PTPRD: variants seen among roughly 807,000 people sequenced by gnomAD.
PTPRD encodes the protein protein tyrosine phosphatase receptor type D.
In PTPRD, 34 loss-of-function variants were observed where a neutral mutation model predicts 214.5. The ratio of observed to expected loss-of-function variants is 0.16; its 90% CI spans 0.12 to 0.21. The LOEUF is 0.21. Ranked by LOEUF, PTPRD falls within the 10% of genes least tolerant of loss-of-function variation. The pLI is 1.00. For missense variants in PTPRD, 2,545 were observed against 2,398.7 expected (o/e 1.06, Z -1.27); for synonymous variants, 1,128 against 845.7 (o/e 1.33, Z -5.79).
intron 3 of PTPRD, among the ~76,000 whole-genome samples, chr9:10,257,744 G>A (rs971410762): frequency 1.3e-5 from 2 of 152,114 alleles, no homozygotes; most frequent in Non-Finnish European, 2.9e-5. Context: ...ATAGACCAAC[G>A]TAGGCCAAGC....
intron 10 of PTPRD, among the ~76,000 whole-genome samples, chr9:9,165,300 A>T (rs538117266): frequency 6.6e-6 from 1 of 152,198 alleles, no homozygotes; most frequent in South Asian, 2.1e-4. Context: ...GAACCAAAAG[A>T]TGAATGTCAG....
At chr9:9,434,401 C>T (rs2084377177) in intron 8 of PTPRD, among the ~76,000 whole-genome samples, 1 of 152,088 alleles carries the variant, frequency 6.6e-6, no homozygotes, top group Non-Finnish European at 1.5e-5. Flanking sequence ...TGTGTTCATG[C>T]ATTGGAAGAA....
At chr9:10,538,551 C>T (rs1207930011) in intron 2 of PTPRD, among the ~76,000 whole-genome samples, 2 of 152,052 alleles carry the variant, frequency 1.3e-5, no homozygotes, top group Non-Finnish European at 2.9e-5. Flanking sequence ...GATTCCCATG[C>T]CAGTTTTCCT....
At chr9:9,840,924 G>C (rs928735532) in intron 5 of PTPRD, among the ~76,000 whole-genome samples, 1 of 151,960 alleles carries the variant, frequency 6.6e-6, no homozygotes, top group African/African-American at 2.4e-5. Flanking sequence ...CCTGGGATCT[G>C]TACTGTTCTT....
rs144083684 is a variant in PTPRD, at chr9:9,813,697, A to C, written c.-367-46846T>G. On this transcript the variant is annotated intron_variant, in intron 5 of 45. Transcript: ENST00000381196. ...ATGAATTCAACCAAATATTTAAGTG[A>C]TTAAAAGCAGTCCTTTTCAAACTTT... Among the ~76,000 whole-genome samples, 656 of 152,256 alleles carry C rather than the reference A, an allele frequency of 4.3e-3. 4 individuals carry two copies. The highest frequency in any genetic ancestry group is 0.014 in the African/African-American group (600 of 41,576).
At chr9:8,848,490 C>T (rs989120105) in intron 11 of PTPRD, among the ~76,000 whole-genome samples, 32 of 140,660 alleles carry the variant, frequency 2.3e-4, no homozygotes, top group East Asian at 8.5e-4. Flanking sequence ...TGCACACCAC[C>T]GTATCTGGCA....
intron 9 of PTPRD, among the ~76,000 whole-genome samples, chr9:9,336,028 C>G (rs115009533): frequency 0.028 from 4,253 of 151,602 alleles, 197 homozygotes; most frequent in African/African-American, 0.098. Flanking sequence ...TGCACAAACT[C>G]AAAAAAAGAT....
At chr9:9,596,547 TA>T (rs2093365881) in intron 7 of PTPRD, among the ~76,000 whole-genome samples, 1 of 152,002 alleles carries the variant, frequency 6.6e-6, no homozygotes, top group Non-Finnish European at 1.5e-5. Flanking sequence ...TTTGTGATTT[TA>T]GCAATGTTTT....
intron 10 of PTPRD, among the ~76,000 whole-genome samples, chr9:9,025,829 G>A (rs2154372922): frequency 6.6e-6 from 1 of 151,984 alleles, no homozygotes; most frequent in African/African-American, 2.4e-5. Context: ...TGCGTGATTA[G>A]AAAAAAATGT....
At chr9:9,370,740 C>T (rs990861342) in intron 9 of PTPRD, among the ~76,000 whole-genome samples, 9 of 152,168 alleles carry the variant, frequency 5.9e-5, no homozygotes, top group East Asian at 1.9e-4. Context: ...ATGATATTGG[C>T]GGTGGGTTTG....
At chr9:9,349,861 C>G (rs917488532) in intron 9 of PTPRD, among the ~76,000 whole-genome samples, 1 of 151,940 alleles carries the variant, frequency 6.6e-6, no homozygotes, top group Non-Finnish European at 1.5e-5. Flanking sequence ...TATCCAGAAC[C>G]CTAGTCCATT....
At chr9:8,994,356 A>T (rs1416434918) in intron 11 of PTPRD, among the ~76,000 whole-genome samples, 1 of 152,154 alleles carries the variant, frequency 6.6e-6, no homozygotes, top group Admixed American at 6.6e-5. Flanking sequence ...GTTTGTAGAT[A>T]GTTCCTTCAA....
intron 9 of PTPRD, among the ~76,000 whole-genome samples, chr9:9,318,408 T>A (rs1051240359): frequency 7.9e-5 from 12 of 152,200 alleles, no homozygotes; most frequent in African/African-American, 2.4e-4. Context: ...AAGAAGACTA[T>A]AAAATGAGAT....
At chr9:9,364,851 G>C (rs912159121) in intron 9 of PTPRD, among the ~76,000 whole-genome samples, 6 of 151,070 alleles carry the variant, frequency 4.0e-5, no homozygotes, top group African/African-American at 1.5e-4. Context: ...GCAGTGTTGA[G>C]TGTGGATGGA....
intron 2 of PTPRD, among the ~76,000 whole-genome samples, chr9:10,369,258 A>C (rs1328393203): frequency 1.3e-5 from 2 of 152,128 alleles, no homozygotes; most frequent in Non-Finnish European, 2.9e-5. Flanking sequence ...CAGTTTTAAC[A>C]GTTCAAGATG....
intron 11 of PTPRD, among the ~76,000 whole-genome samples, chr9:8,744,741 C>T (rs907156089): frequency 6.6e-6 from 1 of 152,150 alleles, no homozygotes; most frequent in East Asian, 1.9e-4. Context: ...CAGAAATCAC[C>T]GCTAGAGAAC....
chr9:9,513,569 C>A lies in PTPRD; in HGVS notation c.-237+61163G>T, dbSNP rs553164517. ...TTCATCTCCATGTACTCAGTAATAA[C>A]CTGATAAAGATATATAACAAAAAAA... On this transcript the variant is annotated intron_variant, in intron 8 of 45. Transcript: ENST00000381196. Among the ~76,000 whole-genome samples the A allele has an allele frequency of 2.8e-4, 42 of 147,636 alleles. No homozygotes were observed. The South Asian group carries it at 8.7e-3, about 30-fold the overall frequency.
At chr9:9,459,874 C>G (rs2093467073) in intron 8 of PTPRD, among the ~76,000 whole-genome samples, 1 of 152,012 alleles carries the variant, frequency 6.6e-6, no homozygotes, top group South Asian at 2.1e-4. Context: ...CCAAAAAGAG[C>G]CCAAGTAGCC....
intron 11 of PTPRD, among the ~76,000 whole-genome samples, chr9:8,764,681 T>G (rs894556514): frequency 1.6e-4 from 24 of 151,790 alleles, no homozygotes; most frequent in Admixed American, 1.5e-3. Context: ...TGTAATCCCA[T>G]CTACTCAGGA....
Sources: gnomAD v4.1 joint callset for allele counts (sites outside exome capture counted in the v4.1 genomes callset) on GRCh38, gnomAD v4.1.1 for gene constraint, MANE v1.5 for transcripts, NCBI Gene and HGNC (gene_info 2026-07-23, HGNC 2026-07-21) for gene names.